The following SLC25A40 variants were observed in gnomAD, a reference collection of about 807,000 sequenced individuals.
SLC25A40 encodes mitochondrial glutathione transporter SLC25A40.
Under a neutral mutation model 46.5 loss-of-function variants are expected in SLC25A40, and 41 were observed. The observed-to-expected ratio is 0.88, with a 90% CI of 0.69 to 1.14. SLC25A40 has a LOEUF of 1.14. SLC25A40 is among the 50% of genes most tolerant of loss of function. SLC25A40 has a pLI of 0.00. For synonymous variants in SLC25A40, 126 were observed against 127.5 expected (o/e 0.99, Z 0.08); for missense variants, 386 against 393.6 (o/e 0.98, Z 0.16).
chr7:87,865,558 GC>G (rs1838780157), intron 1 of SLC25A40, among the ~76,000 whole-genome samples: 1 of 152,062 alleles, frequency 6.6e-6, no homozygotes, highest in Admixed American at 6.6e-5. Context: ...ATCACTTAAG[GC>G]CACAAGTTTG....
Position 87,843,863 on chromosome 7 carries a change from G to T in SLC25A40, c.632C>A (p.Ala211Glu). 6.4e-7 allele frequency: 1 copy of T among 1,572,974 alleles called. No individual in the cohort carries two copies. Among genetic ancestry groups the T allele is most frequent in the Non-Finnish European group, 8.7e-7 (1 of 1,150,262 alleles). Residue 211 changes from alanine (A) to glutamate (E), a missense_variant and splice_region_variant, in exon 9 of 12, where the codon GCA becomes GAA. Physicochemically the swap from Ala to Glu is moderately radical, Grantham distance 107. Transcript: ENST00000341119. ...PTVLRDVPFS[A>E]MYWYNYEILK... ...AATTTCATAGTTATACCAGTACATT[G>T]CTATAAAAACAGAGAATGAAATGAA...
intron 6 of SLC25A40, 65 bp downstream of exon 6, chr7:87,849,816 C>T: frequency 8.5e-7 from 1 of 1,178,930 alleles, no homozygotes; most frequent in Non-Finnish European, 1.2e-6. Context: ...TTTGTCCAAC[C>T]ATGCTGATTA....
Position 87,852,079 on chromosome 7 carries a change from A to G in SLC25A40, c.264+2125T>C, listed in dbSNP as rs898969776. ...ATGCTGTCTAAAAGAAATTCACTTC[A>G]ATTATAATGTCATAAGCAGGTTGAA... On this transcript the variant is annotated intron_variant, in intron 5 of 11. Coordinates refer to ENST00000341119, the MANE Select transcript of SLC25A40 (RefSeq NM_018843.4). 2.6e-5 allele frequency among the ~76,000 whole-genome samples: 4 copies of G among 152,232 alleles called. No individual in the cohort carries two copies. In the East Asian group the frequency reaches 7.7e-4, roughly 29 times the overall value.
At chr7:87,854,756 G>T (rs1044612613) in intron 4 of SLC25A40, among the ~76,000 whole-genome samples, 1 of 146,240 alleles carries the variant, frequency 6.8e-6, no homozygotes, top group Admixed American at 6.9e-5. Flanking sequence ...AGCTTGCAGT[G>T]AGCCAAGATC....
chr7:87,868,765 AC>A (rs1304896995), intron 1 of SLC25A40, among the ~76,000 whole-genome samples: 6 of 152,068 alleles, frequency 3.9e-5, no homozygotes, highest in African/African-American at 1.5e-4. Context: ...AGCTCTCTGA[AC>A]CCTGTCCTCT....
At chr7:87,837,269 A>T (rs1241698411) in intron 10 of SLC25A40, 2 of 150,986 alleles carry the variant, frequency 1.3e-5, no homozygotes, top group Admixed American at 6.6e-5. Context: ...TAAAAAGTGT[A>T]TAGAAACCTT....
At chr7:87,867,022 T>C (rs1227093552) in intron 1 of SLC25A40, among the ~76,000 whole-genome samples, 1 of 152,068 alleles carries the variant, frequency 6.6e-6, no homozygotes, top group African/African-American at 2.4e-5. Context: ...AACTCCTTTG[T>C]CTCCGCCAGA....
chr7:87,870,937 A>G (rs1286549170), intron 1 of SLC25A40, among the ~76,000 whole-genome samples: 1 of 152,176 alleles, frequency 6.6e-6, no homozygotes, highest in Non-Finnish European at 1.5e-5. Context: ...ACTGACCCTC[A>G]TAAGCTGCTA....
intron 7 of SLC25A40, 49 bp downstream of exon 7, chr7:87,847,800 TAAAC>T (rs2131002738): frequency 6.4e-7 from 1 of 1,553,994 alleles, no homozygotes; most frequent in Non-Finnish European, 8.7e-7. Flanking sequence ...TGTCACAACT[TAAAC>T]AGAAGCTCTA....
intron 6 of SLC25A40, among the ~76,000 whole-genome samples, 190 bp from the exon 7 acceptor site, chr7:87,848,167 C>T (rs17149963): frequency 0.049 from 7,425 of 152,220 alleles, 271 homozygotes; most frequent in East Asian, 0.092. Context: ...ACTTAGTAGG[C>T]AGTAAAAAGA....
intron 10 of SLC25A40, 34 bp downstream of exon 10, chr7:87,841,599 C>T (rs1562741826): frequency 2.3e-6 from 3 of 1,279,164 alleles, no homozygotes; most frequent in Non-Finnish European, 2.1e-6. Context: ...ACAAAAATGG[C>T]ATCTTAAAAA....
chr7:87,843,617 T>C, intron 9 of SLC25A40, 137 bp downstream of exon 9: 1 of 574,650 alleles, frequency 1.7e-6, no homozygotes, highest in South Asian at 2.3e-5. Flanking sequence ...TTCCTTAAAA[T>C]AGATGGAAAA....
Position 87,836,277 on chromosome 7 carries a change from T to C in SLC25A40, c.989A>G (p.Lys330Arg). The C allele has an allele frequency of 6.3e-7, 1 of 1,585,064 alleles. No homozygotes were observed. The highest frequency in any genetic ancestry group is 8.6e-7 in the Non-Finnish European group (1 of 1,169,214). ...GTATTGCTGCCTTCGAACATTTTGT[T>C]TCTGGAAAAAAGCCTTTCCAAATTC... ...TYEFGKAFFQ[K>R]QNVRRQQY Residue 330 changes from lysine (K) to arginine (R), a missense_variant, in exon 12 of 12, where the codon AAA becomes AGA. Lys to Arg is a conservative substitution (Grantham distance 26, BLOSUM62 2). Transcript: ENST00000341119.
Position 87,833,929 on chromosome 7 carries a change from A to AAAT in SLC25A40, c.*2317_*2319dup, listed in dbSNP as rs2130991240. On this transcript the variant is annotated 3_prime_UTR_variant, in exon 12 of 12. Transcript: ENST00000341119. ...TAATGAATAGTTTTCCTAGAAAAAA[A>AAAT]AATATTGCCTTTTAAAAAAAATCAA... 1 of 152,054 alleles carries AAAT rather than the reference A, an allele frequency of 6.6e-6. No homozygotes were observed. The highest frequency in any genetic ancestry group is 2.4e-5 in the African/African-American group (1 of 41,548). The allele number at this position is 152,054 out of a possible 1,614,324, so 9.4% of individuals were successfully genotyped here.
At chr7:87,855,652 T>C (rs1385416088) in intron 4 of SLC25A40, among the ~76,000 whole-genome samples, 1 of 152,202 alleles carries the variant, frequency 6.6e-6, no homozygotes, top group Non-Finnish European at 1.5e-5. Context: ...TATCCTTTCA[T>C]TCATCTAAAA....
chr7:87,872,835 G>A (rs180677094), intron 1 of SLC25A40, among the ~76,000 whole-genome samples: 5 of 152,152 alleles, frequency 3.3e-5, no homozygotes, highest in African/African-American at 1.2e-4. Flanking sequence ...GGTGGCAGGC[G>A]CCTGTAATTT....
intron 8 of SLC25A40, among the ~76,000 whole-genome samples, chr7:87,846,200 G>A (rs1838416043): frequency 6.6e-6 from 1 of 152,086 alleles, no homozygotes; most frequent in South Asian, 2.1e-4. Flanking sequence ...TACATATGTG[G>A]GAAAATTAAT....
chr7:87,841,111 T>G (rs1838325275), intron 10 of SLC25A40, among the ~76,000 whole-genome samples: 1 of 149,108 alleles, frequency 6.7e-6, no homozygotes, highest in Non-Finnish European at 1.5e-5. Flanking sequence ...TAGAAAAAAT[T>G]ACAAGAAAGC....
intron 1 of SLC25A40, among the ~76,000 whole-genome samples, chr7:87,872,181 G>A (rs2131026292): frequency 6.6e-6 from 1 of 152,174 alleles, no homozygotes; most frequent in Admixed American, 6.5e-5. Flanking sequence ...TTACTTTTGT[G>A]GGTTTGACAA....
Sources: gnomAD v4.1 joint callset for allele counts (sites outside exome capture counted in the v4.1 genomes callset) on GRCh38, gnomAD v4.1.1 for gene constraint, MANE v1.5 for transcripts, NCBI Gene and HGNC (gene_info 2026-07-23, HGNC 2026-07-21) for gene names.